Variants in NAGPA observed in about 807,000 individuals in gnomAD.
The protein encoded by NAGPA is alpha-N-acetylglucosaminyl phosphodiesterase.
NAGPA carries 56 observed loss-of-function variants against 48.5 expected under a neutral mutation model. That is an observed-to-expected ratio of 1.15 (90% CI 0.93 to 1.44). NAGPA has a LOEUF of 1.44. Among genes scored for constraint, NAGPA ranks in the 40% most tolerant of loss-of-function variants. The probability of loss-of-function intolerance (pLI) is 0.00; values close to 1 mark genes in which losing one functional copy is unlikely to be tolerated. For missense variants in NAGPA, 888 were observed against 735.0 expected, an observed-to-expected ratio of 1.21 and a Z score of -2.41; for synonymous variants, 399 against 315.5, an observed-to-expected ratio of 1.26 and a Z score of -2.81.
At chr16:5,026,403 G>A (rs1053914576) in intron 9 of NAGPA, among the ~76,000 whole-genome samples, 6 of 151,878 alleles carry the variant, frequency 4.0e-5, no homozygotes, top group Admixed American at 1.3e-4. Context: ...AAAATTAGCC[G>A]GGCACCTGTA....
intron 3 of NAGPA, 159 bp downstream of exon 3, chr16:5,031,586 A>G (rs986617948): frequency 2.1e-6 from 2 of 946,054 alleles, no homozygotes; most frequent in Admixed American, 1.7e-5. Context: ...TATATATTCA[A>G]TATAAGCCTA....
At chr16:5,029,903 G>A (rs572736273) in intron 4 of NAGPA, 8 of 214,172 alleles carry the variant, frequency 3.7e-5, no homozygotes, top group East Asian at 1.3e-4. Flanking sequence ...TGGCCTGGGC[G>A]ACGGAGTAAG....
At chr16:5,032,502 C>CA (rs1555445614) in intron 2 of NAGPA, among the ~76,000 whole-genome samples, 2 of 150,946 alleles carry the variant, frequency 1.3e-5, no homozygotes, top group African/African-American at 2.4e-5. Flanking sequence ...TTCCCCACCC[C>CA]ATCCCGTCTC....
In NAGPA at chr16:5,033,689, G is replaced by T. The variant is rs760096584; in HGVS notation, c.126C>A (p.Arg42=). Residue 42 remains arginine, a synonymous_variant, in exon 2 of 10, where the codon CGC becomes CGA. Coordinates refer to ENST00000312251, the MANE Select transcript of NAGPA (RefSeq NM_016256.4). The surrounding 1 kb of genome is among the most constrained non-coding windows in gnomAD (Gnocchi z 4.2). The part of the protein sequence containing the change: ...RDDDLLLPYP[R]ARARLPRDCT... Reference sequence around the variant, plus strand: ...AGTCCCGGGGGAGGCGCGCGCGCGCGCGTGGATAGGGCAGTAGCAAGTCGT... The same window carrying T: ...AGTCCCGGGGGAGGCGCGCGCGCGCTCGTGGATAGGGCAGTAGCAAGTCGT... 6.3e-7 allele frequency: 1 copy of T among 1,597,284 alleles called. No homozygotes were observed. The highest frequency in any genetic ancestry group is 1.7e-5 in the Admixed American group (1 of 59,402).
At chr16:5,028,498 G>C in intron 5 of NAGPA, 1 of 627,704 alleles carries the variant, frequency 1.6e-6, no homozygotes, top group Non-Finnish European at 2.9e-6. Flanking sequence ...GCCTCCCAAA[G>C]CACTGGGATT....
rs1177664010 is a variant in NAGPA at position 5,032,028 on chromosome 16, CAACTT to C, written c.543-149_543-145del. 3 of 1,051,692 alleles carry C rather than the reference CAACTT, an allele frequency of 2.9e-6. No homozygotes were observed. In the African/African-American group the frequency reaches 4.7e-5, roughly 17 times the overall value. The allele number at this position is 1,051,692 out of a possible 1,614,324, so 65.1% of individuals were successfully genotyped here. A position where few individuals can be genotyped will look rare whatever the true frequency, so the allele number is the denominator to read the frequency against. On this transcript the variant is annotated intron_variant, in intron 2 of 9. Coordinates refer to ENST00000312251, the MANE Select transcript of NAGPA (RefSeq NM_016256.4). Reference sequence around the variant, plus strand: ...TCCTGGGGCCTGAGTGTAGCTGGGACAACTTAACAGCCCTAGGAATCTCCCTGTTG... The same window carrying C: ...TCCTGGGGCCTGAGTGTAGCTGGGACAACAGCCCTAGGAATCTCCCTGTTG...
chr16:5,028,459 T>C, intron 5 of NAGPA: 2 of 700,264 alleles, frequency 2.9e-6, no homozygotes, highest in Admixed American at 4.2e-5. Context: ...GGTCTTAAAC[T>C]CCTGGGCCCA....
chr16:5,030,699 C>T, intron 3 of NAGPA: 1 of 627,312 alleles, frequency 1.6e-6, no homozygotes, highest in Non-Finnish European at 2.9e-6. Context: ...CCAAGCTATG[C>T]CAGCCTCCAG....
intron 5 of NAGPA, 138 bp from the exon 6 acceptor site, chr16:5,028,323 G>A (rs1375130417): frequency 7.4e-6 from 11 of 1,492,316 alleles, no homozygotes; most frequent in African/African-American, 1.4e-5. Flanking sequence ...ATCTATTTTT[G>A]AGATGAGGTA....
At chr16:5,028,483 CCTCGGCCTCCCAA>C (rs1470320937) in intron 5 of NAGPA, 1 of 643,102 alleles carries the variant, frequency 1.6e-6, no homozygotes, top group African/African-American at 1.8e-5. Context: ...GAACCTCCCA[CCTCGGCCTCCCAA>C]AGCACTGGGA....
chr16:5,028,913 T>G lies in NAGPA; in HGVS notation c.887A>C (p.Asn296Thr), dbSNP rs371976728. The G allele has an allele frequency of 6.2e-7, 1 of 1,613,938 alleles. No individual in the cohort carries two copies. The highest frequency in any genetic ancestry group is 1.1e-5 in the South Asian group (1 of 91,082). Residue 296 changes from asparagine (N) to threonine (T), a missense_variant, in exon 5 of 10, where the codon AAC (asparagine) becomes ACC (threonine). Coordinates refer to ENST00000312251, the MANE Select transcript of NAGPA (RefSeq NM_016256.4). ...TGACGGGTAACTGGCCAAGGTCCCG[T>G]TGAGCACAAAGGTGGCAGAGCCACC... ...DGGGSATFVL[N>T]GTLASYPSDH...
chr16:5,031,272 C>T, intron 3 of NAGPA: 1 of 239,434 alleles, frequency 4.2e-6, no homozygotes, highest in South Asian at 5.5e-5. Context: ...ATCCTGTCCC[C>T]ATCCCAGTAT....
Position 5,033,087 on chromosome 16 carries a change from A to C in NAGPA, c.542+186T>G, listed in dbSNP as rs1237664055. ...TCACCGGGGCGCGGCACATTGCCTG[A>C]TACAAGCAAGTGCTCAATGATACTG... On this transcript the variant is annotated intron_variant, in intron 2 of 9. Coordinates refer to ENST00000312251, the MANE Select transcript of NAGPA (RefSeq NM_016256.4). This position sits in a 1 kb window ranked among gnomAD's most constrained non-coding sequence, Gnocchi z 4.2. 3 of 724,020 alleles carry C rather than the reference A, an allele frequency of 4.1e-6. No homozygotes were observed. The highest frequency in any genetic ancestry group is 6.8e-6 in the Non-Finnish European group (3 of 438,088). 44.8% of individuals were successfully genotyped at this position (724,020 alleles called of 1,614,324 possible). A position where few individuals can be genotyped will look rare whatever the true frequency, so the allele number is the denominator to read the frequency against.
At chr16:5,031,531 C>A in intron 3 of NAGPA, 4 of 641,016 alleles carry the variant, frequency 6.2e-6, no homozygotes, top group South Asian at 5.5e-5. Context: ...TGTTTCTGAG[C>A]ACTTATCAAT....
At position 5,033,110 on chromosome 16, in the gene NAGPA, C is replaced by T. The variant is rs372947998; in HGVS notation, c.542+163G>A. The stretch of plus-strand genomic sequence containing the variant: ...TGATACAAGCAAGTGCTCAATGATA[C>T]TGGATGATGAATAAACTCTGCAAGG... On this transcript the variant is annotated intron_variant, in intron 2 of 9. Transcript: ENST00000312251. This position sits in a 1 kb window ranked among gnomAD's most constrained non-coding sequence, Gnocchi z 4.2. 6 of 830,612 alleles carry T rather than the reference C, an allele frequency of 7.2e-6. No homozygotes were observed. The highest frequency in any genetic ancestry group is 5.1e-5 in the African/African-American group (3 of 59,240). The allele number at this position is 830,612 out of a possible 1,614,324, so 51.5% of individuals were successfully genotyped here.
intron 9 of NAGPA, 129 bp downstream of exon 9, chr16:5,027,006 C>A (rs1956012794): frequency 6.0e-6 from 7 of 1,162,348 alleles, no homozygotes; most frequent in Admixed American, 2.0e-5. Flanking sequence ...GTGGGGAGAG[C>A]TGGTCCCGCT....
In NAGPA at chr16:5,033,289, C is replaced by CG; in HGVS notation, c.525dup (p.Gly176ArgfsTer10). 1 of 1,595,064 alleles carries CG rather than the reference C, an allele frequency of 6.3e-7. No homozygotes were observed. The highest frequency in any genetic ancestry group is 1.1e-5 in the South Asian group (1 of 90,396). On this transcript the variant is annotated frameshift_variant, in exon 2 of 10. Coordinates refer to ENST00000312251, the MANE Select transcript of NAGPA (RefSeq NM_016256.4). LOFTEE classifies it high-confidence loss of function. The surrounding 1 kb of genome is among the most constrained non-coding windows in gnomAD (Gnocchi z 4.2). Reference sequence around the variant, plus strand: ...CCTCCTCACCCGGTGACCAGGGTCCCGTCGCGGCGGATCCCGAACTGCGCG... The same window carrying CG: ...CCTCCTCACCCGGTGACCAGGGTCCCGGTCGCGGCGGATCCCGAACTGCGCG...
At chr16:5,032,267 C>T (rs988873504) in intron 2 of NAGPA, among the ~76,000 whole-genome samples, 7 of 152,212 alleles carry the variant, frequency 4.6e-5, no homozygotes, top group Admixed American at 2.0e-4. Flanking sequence ...CTCTCTCCCA[C>T]CTGGTCCCAC....
intron 7 of NAGPA, 126 bp downstream of exon 7, chr16:5,027,720 G>T: frequency 7.2e-7 from 1 of 1,383,402 alleles, no homozygotes; most frequent in Non-Finnish European, 9.9e-7. Flanking sequence ...TGCAGGTGAG[G>T]CCGGGGCAGA....
Sources: allele counts gnomAD v4.1 joint callset (sites outside exome capture counted in the v4.1 genomes callset), GRCh38; gene constraint gnomAD v4.1.1; non-coding constraint Gnocchi (gnomAD v3.1); transcripts MANE v1.5; gene names NCBI Gene and HGNC (gene_info 2026-07-23, HGNC 2026-07-21).